Variants in MTFR1 observed in about 807,000 individuals in gnomAD.
The protein encoded by MTFR1 is mitochondrial fission regulator 1, also known as chondrocyte protein with a poly-proline region.
Under a neutral mutation model 38.8 loss-of-function variants are expected in MTFR1, and 28 were observed. The ratio of observed to expected loss-of-function variants is 0.72; its 90% CI spans 0.53 to 0.99. The LOEUF (loss-of-function observed/expected upper bound fraction) is 0.99, where lower values mean the gene tolerates loss of function less well. MTFR1 is among the 50% of genes least tolerant of loss of function. MTFR1 has a pLI of 0.00. For synonymous variants in MTFR1, 145 were observed against 137.0 expected, an observed-to-expected ratio of 1.06 and a Z score of -0.41; for missense variants, 358 against 395.5, an observed-to-expected ratio of 0.91 and a Z score of 0.81.
At chr8:65,756,882 T>C (rs571756967) in intron 3 of MTFR1, among the ~76,000 whole-genome samples, 1 of 152,272 alleles carries the variant, frequency 6.6e-6, no homozygotes, top group East Asian at 1.9e-4. Context: ...ATTATTTTAC[T>C]CCTCCAGGAT....
chr8:65,766,504 G>A (rs1808791704), intron 3 of MTFR1, among the ~76,000 whole-genome samples: 1 of 152,214 alleles, frequency 6.6e-6, no homozygotes, highest in Non-Finnish European at 1.5e-5. Flanking sequence ...AGGAGACGCT[G>A]CCATAGTAAA....
intron 3 of MTFR1, among the ~76,000 whole-genome samples, chr8:65,766,961 T>C (rs188572501): frequency 4.9e-4 from 74 of 152,128 alleles, no homozygotes; most frequent in African/African-American, 1.7e-3. Flanking sequence ...TGCCAACATT[T>C]TCAGTTTAAA....
intron 3 of MTFR1, chr8:65,727,364 A>C (rs1478977438): frequency 1.3e-6 from 2 of 1,590,882 alleles, no homozygotes; most frequent in Non-Finnish European, 1.7e-6. Flanking sequence ...ACGCCATCAC[A>C]GTAGTTTTGA....
At chr8:65,675,411 C>T (rs551595605) in intron 2 of MTFR1, among the ~76,000 whole-genome samples, 15 of 152,212 alleles carry the variant, frequency 9.9e-5, no homozygotes, top group African/African-American at 3.1e-4. Context: ...CTGGCTAACA[C>T]GGTGAAACCC....
chr8:65,660,824 G>A (rs555839917), intron 1 of MTFR1, among the ~76,000 whole-genome samples: 3 of 152,322 alleles, frequency 2.0e-5, no homozygotes, highest in African/African-American at 4.8e-5. Flanking sequence ...CAATCAAGGT[G>A]TTCTCCAGTA....
chr8:65,760,841 G>A (rs943092878), intron 3 of MTFR1, among the ~76,000 whole-genome samples: 1 of 152,058 alleles, frequency 6.6e-6, no homozygotes, highest in African/African-American at 2.4e-5. Flanking sequence ...GCAGGTTAGC[G>A]AAACCTGAGT....
chr8:65,770,121 C>CTGTGTGTGTGTG (rs10608556), intron 3 of MTFR1, among the ~76,000 whole-genome samples: 1 of 146,556 alleles, frequency 6.8e-6, no homozygotes, highest in South Asian at 2.2e-4. Flanking sequence ...CAGTATACTT[C>CTGTGTGTGTGTG]TGTGTGTGTG....
At chr8:65,772,944 G>T (rs982254969), downstream of MTFR1, among the ~76,000 whole-genome samples, 1 of 152,118 alleles carries the variant, frequency 6.6e-6, no homozygotes, top group African/African-American at 2.4e-5. Flanking sequence ...GGAGACGGAG[G>T]CTGCAGTGAG....
chr8:65,745,846 C>T (rs1400883016), intron 3 of MTFR1, among the ~76,000 whole-genome samples: 1 of 152,194 alleles, frequency 6.6e-6, no homozygotes, highest in Non-Finnish European at 1.5e-5. Context: ...ATAAGTGACA[C>T]TACTGAGTAT....
chr8:65,723,484 TC>T (rs1360126762), intron 3 of MTFR1: 5 of 1,347,702 alleles, frequency 3.7e-6, no homozygotes, highest in African/African-American at 1.5e-5. Flanking sequence ...ATATTTCCCT[TC>T]TTGATAAAAA....
intron 2 of MTFR1, among the ~76,000 whole-genome samples, chr8:65,670,640 T>C (rs1347683986): frequency 6.6e-6 from 1 of 152,184 alleles, no homozygotes; most frequent in Non-Finnish European, 1.5e-5. Context: ...TTTTCATGGC[T>C]ATGACATAGA....
At position 65,655,950 on chromosome 8, in the gene MTFR1, A is replaced by T. The variant is rs867662580; in HGVS notation, c.-81+11166A>T. Among the ~76,000 whole-genome samples the T allele has an allele frequency of 2.3e-3, 72 of 30,744 alleles. 2 individuals are homozygous for T. Among genetic ancestry groups the T allele is most frequent in the South Asian group, 0.012 (14 of 1,178 alleles). The allele number at this position is 30,744 out of a possible 152,430, so 20.2% of individuals were successfully genotyped here. On this transcript the variant is annotated intron_variant, in intron 1 of 7. Transcript: ENST00000262146. ...GAGCAAGACTCTGTCTTAAAAAAAA[A>T]AATATATATATATATATACCATATA...
At chr8:65,776,641 C>T in the MTFR1 span, among the ~76,000 whole-genome samples, 2 of 152,130 alleles carry the variant, frequency 1.3e-5, no homozygotes, top group Admixed American at 6.5e-5. Flanking sequence ...TTTATCCCTA[C>T]ATATTTGATG....
intron 3 of MTFR1, among the ~76,000 whole-genome samples, chr8:65,767,001 AAACAACAACAACAAC>A (rs149118435): frequency 5.3e-5 from 8 of 150,974 alleles, no homozygotes; most frequent in African/African-American, 9.7e-5. Context: ...TGCTCATTCA[AAACAACAACAACAAC>A]AACAACAACA....
intron 3 of MTFR1, among the ~76,000 whole-genome samples, chr8:65,737,494 T>C (rs913960230): frequency 3.9e-5 from 6 of 152,032 alleles, no homozygotes; most frequent in Non-Finnish European, 7.4e-5. Context: ...TTAGCAAAAA[T>C]GGTTATATTA....
chr8:65,683,156 T>C (rs1258324145), intron 3 of MTFR1, among the ~76,000 whole-genome samples: 1 of 143,186 alleles, frequency 7.0e-6, no homozygotes, highest in Non-Finnish European at 1.5e-5. Flanking sequence ...TTTTTTGAGA[T>C]GGAATCTTGC....
intron 3 of MTFR1, chr8:65,726,987 G>C (rs1291413781): frequency 7.4e-7 from 1 of 1,351,196 alleles, no homozygotes; most frequent in Non-Finnish European, 1.1e-6. Context: ...GGACGTTTCT[G>C]AGTTACTTAA....
At chr8:65,656,815 T>A (rs2129048269) in intron 1 of MTFR1, among the ~76,000 whole-genome samples, 1 of 152,040 alleles carries the variant, frequency 6.6e-6, no homozygotes, top group Admixed American at 6.6e-5. Context: ...GGCTAATTTT[T>A]AAAAAATTTC....
intron 2 of MTFR1, among the ~76,000 whole-genome samples, chr8:65,672,461 A>G (rs879432820): frequency 2.6e-5 from 4 of 152,200 alleles, no homozygotes; most frequent in Non-Finnish European, 4.4e-5. Context: ...TGGAGATACT[A>G]TGAATTTCAT....
Sources: gnomAD v4.1 joint callset for allele counts (sites outside exome capture counted in the v4.1 genomes callset) on GRCh38, gnomAD v4.1.1 for gene constraint, MANE v1.5 for transcripts, NCBI Gene and HGNC (gene_info 2026-07-23, HGNC 2026-07-21) for gene names.